KDELR2: variants seen among roughly 807,000 people sequenced by gnomAD.
KDELR2 encodes the protein ER lumen protein-retaining receptor 2.
KDELR2 carries 15 observed loss-of-function variants against 23.9 expected under a neutral mutation model. That is an observed-to-expected ratio of 0.63 (90% CI 0.42 to 0.97). KDELR2 has a LOEUF of 0.97. Among genes scored for constraint, KDELR2 ranks in the 50% least tolerant of loss-of-function variants. The pLI is 0.00. For synonymous variants in KDELR2, 119 were observed against 106.2 expected, an observed-to-expected ratio of 1.12 and a Z score of -0.74; for missense variants, 272 against 254.6, an observed-to-expected ratio of 1.07 and a Z score of -0.46.
At chr7:6,467,057 C>A (rs767629489) in intron 3 of KDELR2, among the ~76,000 whole-genome samples, 3 of 152,182 alleles carry the variant, frequency 2.0e-5, no homozygotes, top group African/African-American at 4.8e-5. Context: ...GCCAGTGTGA[C>A]AAGCTGGGTA....
chr7:6,464,412 G>A (rs1387087256), intron 4 of KDELR2, among the ~76,000 whole-genome samples: 12 of 151,914 alleles, frequency 7.9e-5, no homozygotes, highest in Admixed American at 7.9e-4. Flanking sequence ...CCAGTTACTA[G>A]GGTGGTCAAG....
Position 6,474,246 on chromosome 7 carries a change from A to G in KDELR2, c.130T>C (p.Phe44Leu), listed in dbSNP as rs1228699961. ...AAAAGATCCAGGTAACGAGTTGTGA[A>G]GACCAGTGCAAACAGAAGCTGGCTT... ...GKSQLLFALV[F>L]TTRYLDLFTS... The change falls in exon 2 of 5, where the codon TTC becomes CTC. Residue 44 changes from phenylalanine (F) to leucine (L), a missense_variant. Physicochemically the swap from Phe to Leu is conservative, Grantham distance 22 (BLOSUM62 0). Coordinates refer to ENST00000258739, the MANE Select transcript of KDELR2 (RefSeq NM_006854.4). 6.2e-7 allele frequency: 1 copy of G among 1,613,904 alleles called. No individual in the cohort carries two copies. Among genetic ancestry groups the G allele is most frequent in the South Asian group, 1.1e-5 (1 of 91,082 alleles).
At chr7:6,477,422 GCTATTAAACCAGAGCAGCTC>G (rs1451524904) in intron 1 of KDELR2, among the ~76,000 whole-genome samples, 1 of 152,210 alleles carries the variant, frequency 6.6e-6, no homozygotes, top group Non-Finnish European at 1.5e-5. Flanking sequence ...TAGAATACCT[GCTATTAAACCAGAGCAGCTC>G]CTAGTCGGCT....
intron 2 of KDELR2, among the ~76,000 whole-genome samples, chr7:6,470,716 T>C (rs896423204): frequency 6.6e-6 from 1 of 152,162 alleles, no homozygotes; most frequent in Admixed American, 6.6e-5. Context: ...TTTGTAAACA[T>C]ATACTTCTTG....
At chr7:6,473,110 CA>C (rs1397085977) in intron 2 of KDELR2, among the ~76,000 whole-genome samples, 2 of 91,910 alleles carry the variant, frequency 2.2e-5, no homozygotes, top group Non-Finnish European at 4.1e-5. Flanking sequence ...TTTTTAGAGA[CA>C]GGGGTCTAAC....
chr7:6,479,264 C>T (rs1367364489), intron 1 of KDELR2, among the ~76,000 whole-genome samples: 3 of 151,692 alleles, frequency 2.0e-5, no homozygotes, highest in African/African-American at 7.3e-5. Context: ...CTCCAGTAAT[C>T]CTCCCCACTC....
intron 3 of KDELR2, among the ~76,000 whole-genome samples, chr7:6,469,264 T>C (rs1406796080): frequency 6.6e-6 from 1 of 152,012 alleles, no homozygotes; most frequent in African/African-American, 2.4e-5. Context: ...AACCTCTTTT[T>C]TCTTTTCCCT....
At chr7:6,474,074 G>T in intron 2 of KDELR2, 110 bp downstream of exon 2, 1 of 688,044 alleles carries the variant, frequency 1.5e-6, no homozygotes, top group Non-Finnish European at 2.5e-6. Context: ...AGCATATTAA[G>T]ACATTATTTT....
chr7:6,474,007 G>A (rs545146544), intron 2 of KDELR2, 177 bp downstream of exon 2: 52 of 470,232 alleles, frequency 1.1e-4, no homozygotes, highest in Non-Finnish European at 1.8e-4. Flanking sequence ...CTTACTGATA[G>A]CTCGTTTAGT....
chr7:6,461,518 A>C lies in KDELR2; in HGVS notation c.*1623T>G, dbSNP rs2115318715. 6.6e-6 allele frequency: 1 copy of C among 152,132 alleles called. No individual in the cohort carries two copies. The highest frequency in any genetic ancestry group is 2.1e-4 in the South Asian group (1 of 4,818). The allele number at this position is 152,132 out of a possible 1,614,324, so 9.4% of individuals were successfully genotyped here. A position where few individuals can be genotyped will look rare whatever the true frequency, so the allele number is the denominator to read the frequency against. On this transcript the variant is annotated 3_prime_UTR_variant, in exon 5 of 5. Coordinates refer to ENST00000258739, the MANE Select transcript of KDELR2 (RefSeq NM_006854.4). ...GGATGAAAAGAGACCACAGAAACTG[A>C]AGCAAGACTAGGATGCTGCAAAGAA...
intron 2 of KDELR2, among the ~76,000 whole-genome samples, chr7:6,471,443 G>A (rs1044089502): frequency 6.6e-6 from 1 of 152,094 alleles, no homozygotes; most frequent in African/African-American, 2.4e-5. Flanking sequence ...GCTTCCCAAA[G>A]TGCTGGGATT....
chr7:6,472,897 C>A (rs58945119), intron 2 of KDELR2, among the ~76,000 whole-genome samples: 5 of 111,210 alleles, frequency 4.5e-5, no homozygotes, highest in Non-Finnish European at 7.2e-5. Flanking sequence ...AGCCCCTGTT[C>A]TTTTTTTTTT....
intron 1 of KDELR2, among the ~76,000 whole-genome samples, chr7:6,476,087 G>C (rs2115331391): frequency 6.6e-6 from 1 of 152,168 alleles, no homozygotes; most frequent in Non-Finnish European, 1.5e-5. Context: ...GCTAATATTT[G>C]TATTACATGT....
At chr7:6,474,392 AG>A in intron 1 of KDELR2, 108 bp from the exon 2 acceptor site, 2 of 734,254 alleles carry the variant, frequency 2.7e-6, no homozygotes, top group East Asian at 5.1e-5. Context: ...CGTGGGGTCA[AG>A]GCCCAGGTCT....
intron 1 of KDELR2, among the ~76,000 whole-genome samples, chr7:6,476,419 G>C (rs1330793249): frequency 6.6e-6 from 1 of 152,170 alleles, no homozygotes; most frequent in African/African-American, 2.4e-5. Flanking sequence ...GGTTTCAGAG[G>C]GGGAAGAAGA....
At chr7:6,469,814 A>G (rs1273419909) in intron 2 of KDELR2, 60 bp from the exon 3 acceptor site, 2 of 1,422,794 alleles carry the variant, frequency 1.4e-6, no homozygotes, top group African/African-American at 1.5e-5. Context: ...AGCACCCCCC[A>G]GCTTTTTTAA....
intron 1 of KDELR2, among the ~76,000 whole-genome samples, chr7:6,475,041 C>A (rs1022475275): frequency 6.6e-6 from 1 of 152,082 alleles, no homozygotes; most frequent in Non-Finnish European, 1.5e-5. Context: ...TGAGAAGCAC[C>A]GACTCAGGTA....
At chr7:6,483,005 C>CAA (rs34123172) in intron 1 of KDELR2, among the ~76,000 whole-genome samples, 153 of 136,114 alleles carry the variant, frequency 1.1e-3, no homozygotes, top group Middle Eastern at 3.6e-3. Context: ...ACCCTGCCTC[C>CAA]AAAAAAAAAA....
intron 4 of KDELR2, among the ~76,000 whole-genome samples, chr7:6,465,285 A>G (rs1406780782): frequency 6.7e-6 from 1 of 148,806 alleles, no homozygotes; most frequent in Non-Finnish European, 1.5e-5. Flanking sequence ...CCAGGTTCAC[A>G]CCATTCTCCT....
Sources: gnomAD v4.1 joint callset for allele counts (sites outside exome capture counted in the v4.1 genomes callset) on GRCh38, gnomAD v4.1.1 for gene constraint, MANE v1.5 for transcripts, NCBI Gene and HGNC (gene_info 2026-07-23, HGNC 2026-07-21) for gene names.